Variants in STK4 observed in about 807,000 individuals in gnomAD.
The protein encoded by STK4 is serine/threonine kinase 4.
STK4 carries 30 observed loss-of-function variants against 64.9 expected under a neutral mutation model. That is an observed-to-expected ratio of 0.46 (90% confidence interval 0.35 to 0.63). The LOEUF (loss-of-function observed/expected upper bound fraction) is 0.63. STK4 is among the 20% of genes least tolerant of loss of function. STK4 has a pLI of 0.01. For missense variants in STK4, 466 were observed against 598.5 expected (o/e 0.78, Z 2.31); for synonymous variants, 177 against 199.0 (o/e 0.89, Z 0.93).
chr20:45,011,673 G>A (rs1404113055), intron 9 of STK4, among the ~76,000 whole-genome samples: 3 of 132,964 alleles, frequency 2.3e-5, no homozygotes, highest in African/African-American at 8.6e-5. Context: ...TAATTCTTGT[G>A]TAGAACTGAT....
chr20:45,067,740 G>C (rs182152820), intron 10 of STK4, among the ~76,000 whole-genome samples: 51 of 152,314 alleles, frequency 3.3e-4, no homozygotes, highest in African/African-American at 1.2e-3. Flanking sequence ...TTGAAAAATG[G>C]TATGATTCAG....
At chr20:44,976,605 A>G (rs1022633550) in intron 2 of STK4, among the ~76,000 whole-genome samples, 2 of 152,232 alleles carry the variant, frequency 1.3e-5, no homozygotes, top group African/African-American at 4.8e-5. Flanking sequence ...GCTGTTGTCA[A>G]TCCGGTATCC....
intron 9 of STK4, among the ~76,000 whole-genome samples, chr20:45,022,901 C>T (rs575411192): frequency 2.0e-5 from 3 of 152,226 alleles, no homozygotes; most frequent in South Asian, 2.1e-4. Context: ...GATAAACAGA[C>T]GTGAATGACA....
At chr20:45,066,429 C>T (rs1025526140) in intron 10 of STK4, among the ~76,000 whole-genome samples, 3 of 152,186 alleles carry the variant, frequency 2.0e-5, no homozygotes, top group Admixed American at 6.5e-5. Context: ...CGTGTGTACA[C>T]GCACGATGTA....
chr20:45,061,007 G>T (rs143078095), intron 10 of STK4, among the ~76,000 whole-genome samples: 115 of 152,232 alleles, frequency 7.6e-4, no homozygotes, highest in African/African-American at 2.7e-3. Context: ...GTAAACCTTG[G>T]GGGATAGGAA....
Position 45,076,845 on chromosome 20 carries a change from A to G in STK4, c.*1669A>G, listed in dbSNP as rs921876089. 3.3e-5 allele frequency: 5 copies of G among 152,192 alleles called. No homozygotes were observed. Among genetic ancestry groups the G allele is most frequent in the African/African-American group, 1.2e-4 (5 of 41,450 alleles). 9.4% of individuals were successfully genotyped at this position (152,192 alleles called of 1,614,324 possible). A position where few individuals can be genotyped will look rare whatever the true frequency, so the allele number is the denominator to read the frequency against. On this transcript the variant is annotated 3_prime_UTR_variant, in exon 11 of 11. Transcript: ENST00000372806. The surrounding 1 kb of genome is among the most constrained non-coding windows in gnomAD (Gnocchi z 4.0). ...GCCTCTTCTGTGGCCAGATTCTGTT[A>G]TTTGCAATTAAAGCAAGTTTTTAAA...
At chr20:44,981,303 C>T (rs902117346) in intron 3 of STK4, among the ~76,000 whole-genome samples, 5 of 151,992 alleles carry the variant, frequency 3.3e-5, no homozygotes, top group Non-Finnish European at 5.9e-5. Flanking sequence ...TACAGGTGCA[C>T]ACTGCCACGG....
At chr20:44,967,639 A>G (rs2067174288) in intron 1 of STK4, among the ~76,000 whole-genome samples, 1 of 152,220 alleles carries the variant, frequency 6.6e-6, no homozygotes, top group Admixed American at 6.5e-5. Flanking sequence ...CTGCAGCAGA[A>G]TGAGCTCTAA....
At chr20:44,976,079 T>A (rs973082595) in intron 2 of STK4, among the ~76,000 whole-genome samples, 10 of 152,360 alleles carry the variant, frequency 6.6e-5, no homozygotes, top group Admixed American at 6.5e-5. Flanking sequence ...ATTATTGACA[T>A]GATTATTAAC....
chr20:45,051,470 T>C (rs568084844), intron 10 of STK4, among the ~76,000 whole-genome samples: 4 of 152,316 alleles, frequency 2.6e-5, no homozygotes, highest in South Asian at 4.1e-4. Context: ...TATCTTTTAG[T>C]GAGTTCCTTT....
intron 10 of STK4, among the ~76,000 whole-genome samples, chr20:45,049,697 A>G (rs1271514384): frequency 6.6e-6 from 1 of 152,210 alleles, no homozygotes. Context: ...ATATTAGAAT[A>G]ATGCTTGAGT....
chr20:45,074,993 A>T, intron 10 of STK4, 25 bp from the exon 11 acceptor site: 1 of 1,613,896 alleles, frequency 6.2e-7, no homozygotes, highest in Non-Finnish European at 8.5e-7. Flanking sequence ...CTTTGTCGTG[A>T]CTATACCTTC....
At chr20:45,011,499 A>G (rs1158621864) in intron 9 of STK4, among the ~76,000 whole-genome samples, 1 of 151,886 alleles carries the variant, frequency 6.6e-6, no homozygotes, top group African/African-American at 2.4e-5. Flanking sequence ...CAGCCAAAAC[A>G]TCTCAAAATA....
intron 10 of STK4, among the ~76,000 whole-genome samples, chr20:45,061,758 C>T (rs2145461798): frequency 6.6e-6 from 1 of 152,072 alleles, no homozygotes; most frequent in South Asian, 2.1e-4. Flanking sequence ...TCCCACTCTC[C>T]ACCCTCCAGT....
At chr20:44,973,695 T>A (rs1040436837) in intron 2 of STK4, among the ~76,000 whole-genome samples, 3 of 152,244 alleles carry the variant, frequency 2.0e-5, no homozygotes, top group African/African-American at 4.8e-5. Context: ...TTACTGGTCA[T>A]AATAGACAAG....
At chr20:45,000,318 A>G (rs1306202559) in intron 7 of STK4, 74 bp from the exon 8 acceptor site, 1 of 1,511,282 alleles carries the variant, frequency 6.6e-7, no homozygotes, top group Non-Finnish European at 9.0e-7. Context: ...TCCAGTACCT[A>G]CTGTGTTCCA....
intron 5 of STK4, among the ~76,000 whole-genome samples, chr20:44,994,218 G>C (rs1352718807): frequency 1.3e-5 from 2 of 150,490 alleles, no homozygotes; most frequent in Admixed American, 6.7e-5. Context: ...GAATGTTACA[G>C]ATGTATACAG....
At chr20:45,031,113 G>T (rs2068435301) in intron 10 of STK4, among the ~76,000 whole-genome samples, 1 of 152,010 alleles carries the variant, frequency 6.6e-6, no homozygotes, top group Non-Finnish European at 1.5e-5. Flanking sequence ...GGAGTTTACA[G>T]TGAAGGAAAT....
chr20:44,995,813 A>G (rs1392022688), intron 6 of STK4, among the ~76,000 whole-genome samples: 1 of 152,110 alleles, frequency 6.6e-6, no homozygotes, highest in African/African-American at 2.4e-5. Flanking sequence ...CATAGGCCAT[A>G]GAAATGCTTA....
Sources: gnomAD v4.1 joint callset for allele counts (sites outside exome capture counted in the v4.1 genomes callset) on GRCh38, gnomAD v4.1.1 for gene constraint, Gnocchi (gnomAD v3.1) non-coding constraint, MANE v1.5 for transcripts, NCBI Gene and HGNC (gene_info 2026-07-23, HGNC 2026-07-21) for gene names.